The following FLNB variants were observed in gnomAD, a reference collection of about 807,000 sequenced individuals.
The protein encoded by FLNB is filamin B.
Under a neutral mutation model 250.6 loss-of-function variants are expected in FLNB, and 111 were observed. That is an observed-to-expected ratio of 0.44 (90% confidence interval 0.38 to 0.52). FLNB has a LOEUF of 0.52. Among genes scored for constraint, FLNB ranks in the 20% least tolerant of loss-of-function variants. FLNB has a pLI of 0.00. For synonymous variants in FLNB, 1,302 were observed against 1,372.1 expected, an observed-to-expected ratio of 0.95 and a Z score of 1.13; for missense variants, 2,869 against 3,447.8, an observed-to-expected ratio of 0.83 and a Z score of 4.20.
intron 22 of FLNB, 102 bp downstream of exon 22, chr3:58,124,607 C>G (rs2097294550): frequency 8.1e-7 from 1 of 1,236,180 alleles, no homozygotes; most frequent in Non-Finnish European, 1.2e-6. Flanking sequence ...CTAGGCCTGT[C>G]TCAGCAGGGC....
chr3:58,057,553 C>T (rs944163439), intron 1 of FLNB, among the ~76,000 whole-genome samples: 1 of 151,906 alleles, frequency 6.6e-6, no homozygotes, highest in African/African-American at 2.4e-5. Flanking sequence ...TAGATGATGG[C>T]TGCTGGGCTA....
chr3:58,100,373 A>AAAAAAAAAAAAAATATATATATATAT, intron 8 of FLNB, among the ~76,000 whole-genome samples: 2 of 104,346 alleles, frequency 1.9e-5, no homozygotes, highest in African/African-American at 9.1e-5. Flanking sequence ...GTAAAAAAAA[A>AAAAAAAAAAAAAATATATATATATAT]ATATATATAT....
At chr3:58,135,035 T>A (rs1358202543) in intron 27 of FLNB, among the ~76,000 whole-genome samples, 3 of 152,184 alleles carry the variant, frequency 2.0e-5, no homozygotes, top group Non-Finnish European at 4.4e-5. Flanking sequence ...TTATTTTTTT[T>A]AAAGATGGGG....
rs1414579148 is a variant in FLNB at position 58,169,421 on chromosome 3, C to T, written c.7418-169C>T. 1.5e-6 allele frequency: 1 copy of T among 666,600 alleles called. No homozygotes were observed. Among genetic ancestry groups the T allele is most frequent in the Admixed American group, 2.1e-5 (1 of 48,024 alleles). 41.3% of individuals were successfully genotyped at this position (666,600 alleles called of 1,614,324 possible). A position where few individuals can be genotyped will look rare whatever the true frequency, so the allele number is the denominator to read the frequency against. ...ATCCTAGTTGTATGGGGGTGGGATCCTAGGGGTTTAGAAGACATTATGGGT... is the reference window on the plus strand; with the variant it reads ...ATCCTAGTTGTATGGGGGTGGGATCTTAGGGGTTTAGAAGACATTATGGGT... On this transcript the variant is annotated intron_variant, in intron 44 of 45. Coordinates refer to ENST00000295956, the MANE Select transcript of FLNB (RefSeq NM_001457.4). The surrounding 1 kb of genome is among the most constrained non-coding windows in gnomAD (Gnocchi z 4.8).
intron 40 of FLNB, among the ~76,000 whole-genome samples, chr3:58,155,751 CT>C (rs1264106694): frequency 3.3e-5 from 5 of 152,286 alleles, no homozygotes; most frequent in African/African-American, 9.6e-5. Context: ...TTTGGGGACC[CT>C]GTGAGCCCCG....
intron 33 of FLNB, among the ~76,000 whole-genome samples, chr3:58,146,489 T>G (rs2097335974): frequency 6.6e-6 from 1 of 152,156 alleles, no homozygotes; most frequent in Non-Finnish European, 1.5e-5. Context: ...GCAGGGACAA[T>G]CCACCTCTGC....
At chr3:58,096,353 A>T in intron 6 of FLNB, 135 bp downstream of exon 6, 3 of 732,834 alleles carry the variant, frequency 4.1e-6, no homozygotes, top group Non-Finnish European at 7.2e-6. Context: ...TATGCTCATG[A>T]TAGAAAATTG....
At chr3:58,085,567 G>T (rs2097216078) in intron 4 of FLNB, among the ~76,000 whole-genome samples, 2 of 152,326 alleles carry the variant, frequency 1.3e-5, no homozygotes, top group South Asian at 4.1e-4. Context: ...GTCCCACCTT[G>T]CTTAGTTCTA....
intron 1 of FLNB, among the ~76,000 whole-genome samples, chr3:58,048,032 G>A (rs2097156729): frequency 6.6e-6 from 1 of 152,074 alleles, no homozygotes; most frequent in African/African-American, 2.4e-5. Context: ...ATACCCAAGA[G>A]GTTAGCACCG....
chr3:58,034,382 TTC>T (rs2097135128), intron 1 of FLNB, among the ~76,000 whole-genome samples: 1 of 151,782 alleles, frequency 6.6e-6, no homozygotes, highest in African/African-American at 2.4e-5. Flanking sequence ...CACAAAAAGG[TTC>T]TGTTTTTTAA....
chr3:58,008,954 C>G (rs2097094227), intron 1 of FLNB, 98 bp downstream of exon 1: 10 of 1,457,734 alleles, frequency 6.9e-6, no homozygotes, highest in Admixed American at 6.8e-5. Flanking sequence ...AGCGCGCCCC[C>G]ACCTCGGAGA....
chr3:58,016,958 T>A (rs1274186870), intron 1 of FLNB, among the ~76,000 whole-genome samples: 1 of 152,242 alleles, frequency 6.6e-6, no homozygotes. Context: ...ACGGGCACAG[T>A]AATCCCTAAA....
intron 34 of FLNB, among the ~76,000 whole-genome samples, chr3:58,147,544 T>C (rs1430010939): frequency 3.3e-5 from 5 of 152,344 alleles, no homozygotes; most frequent in Non-Finnish European, 5.9e-5. Flanking sequence ...CCACCGTATT[T>C]AGACCTGTCT....
chr3:58,036,620 T>G lies in FLNB; in HGVS notation c.292+27764T>G, dbSNP rs1279188763. Among the ~76,000 whole-genome samples, 3 of 152,210 alleles carry G rather than the reference T, an allele frequency of 2.0e-5. No homozygotes were observed. The East Asian group carries it at 5.8e-4, about 29-fold the overall frequency. On this transcript the variant is annotated intron_variant, in intron 1 of 45. Transcript: ENST00000295956. ...AGTGATGTTATCTCCAGAAGCAATT[T>G]GTGGAGGTTCAGACTCTTGCAGTTT...
At chr3:58,009,642 G>A (rs541831959) in intron 1 of FLNB, among the ~76,000 whole-genome samples, 2 of 152,302 alleles carry the variant, frequency 1.3e-5, no homozygotes, top group South Asian at 4.1e-4. Flanking sequence ...GCCATCTGGG[G>A]TGAGGCTAGA....
chr3:58,112,465 C>T (rs1451679893), intron 18 of FLNB, 147 bp downstream of exon 18: 1 of 787,248 alleles, frequency 1.3e-6, no homozygotes, highest in Non-Finnish European at 2.1e-6. Flanking sequence ...GCACTTTGAA[C>T]CCCTCTGGGA....
intron 1 of FLNB, among the ~76,000 whole-genome samples, chr3:58,059,040 G>A (rs1342893275): frequency 6.6e-6 from 1 of 152,180 alleles, no homozygotes; most frequent in African/African-American, 2.4e-5. Context: ...CCCTCTCTTT[G>A]AGATTGTCAA....
chr3:58,132,836 C>A lies in FLNB; in HGVS notation c.4419C>A (p.Asp1473Glu), dbSNP rs1188933982. 8 of 1,613,752 alleles carry A rather than the reference C, an allele frequency of 5.0e-6. No individual in the cohort carries two copies. In the South Asian group the frequency reaches 6.6e-5, roughly 13 times the overall value. ...TGGTGGAGCCAGTGAACGTGGTGGA[C>A]AATGGAGATGGCACACACACAGTAA... ...RGLVEPVNVV[D>E]NGDGTHTVTY... Residue 1473 changes from aspartate to glutamate, a missense_variant, in exon 26 of 46, where the codon GAC (aspartate) becomes GAA (glutamate). Around this residue, in one of 5 missense-constraint regions of FLNB, gnomAD observed 1,348 missense variants for 1,466.7 expected, o/e 0.92. Coordinates refer to ENST00000295956, the MANE Select transcript of FLNB (RefSeq NM_001457.4).
At chr3:58,085,773 C>A (rs139206343) in intron 4 of FLNB, among the ~76,000 whole-genome samples, 1 of 152,166 alleles carries the variant, frequency 6.6e-6, no homozygotes, top group African/African-American at 2.4e-5. Context: ...TCTGAGTAAT[C>A]AGAGGGGTAC....
Sources: gnomAD v4.1 joint callset for allele counts (sites outside exome capture counted in the v4.1 genomes callset) on GRCh38, gnomAD v4.1.1 for gene constraint, gnomAD v4.1.1 regional missense constraint, Gnocchi (gnomAD v3.1) non-coding constraint, MANE v1.5 for transcripts, NCBI Gene and HGNC (gene_info 2026-07-23, HGNC 2026-07-21) for gene names.